The following TEAD3 variants were observed in gnomAD, a reference collection of about 807,000 sequenced individuals.
The protein encoded by TEAD3 is TEA domain transcription factor 3, also known as transcriptional enhancer factor TEF-5.
In TEAD3, 15 loss-of-function variants were observed where a neutral mutation model predicts 55.6. That is an observed-to-expected ratio of 0.27 (90% CI 0.18 to 0.42). TEAD3 has a LOEUF of 0.42. Among genes scored for constraint, TEAD3 ranks in the 10% least tolerant of loss-of-function variants. The probability of loss-of-function intolerance (pLI) is 1.00; values close to 1 mark genes in which losing one functional copy is unlikely to be tolerated. For synonymous variants in TEAD3, 210 were observed against 232.2 expected (o/e 0.90, Z 0.87); for missense variants, 407 against 576.8 (o/e 0.71, Z 3.01).
chr6:35,476,102 G>A lies in TEAD3; in HGVS notation c.727-10C>T. ...ACAGGTGTTTGCTGTACTGTGGGGA[G>A]GGCCCAGACAGGGTCAGGAGAGTAC... is the stretch of plus-strand genomic sequence containing the variant. On this transcript the variant is annotated splice_polypyrimidine_tract_variant and intron_variant, in intron 9 of 12. Coordinates refer to ENST00000639578, the Ensembl canonical transcript of TEAD3. 1 of 1,535,804 alleles carries A rather than the reference G, an allele frequency of 6.5e-7. No homozygotes were observed. The highest frequency in any genetic ancestry group is 8.8e-7 in the Non-Finnish European group (1 of 1,140,182).
intron 5 of TEAD3, among the ~76,000 whole-genome samples, chr6:35,478,828 A>G (rs1048021202): frequency 3.4e-4 from 51 of 150,754 alleles, no homozygotes; most frequent in Non-Finnish European, 4.3e-4. Context: ...AAAGGCCAAT[A>G]TATGTCAAGA....
At chr6:35,479,941 TG>T in intron 4 of TEAD3, 1 of 861,016 alleles carries the variant, frequency 1.2e-6, no homozygotes, top group Non-Finnish European at 1.7e-6. Context: ...TGTTTCTTTC[TG>T]GACCCCCTCA....
intron 1 of TEAD3, among the ~76,000 whole-genome samples, chr6:35,492,793 C>T (rs979406018): frequency 6.6e-5 from 10 of 152,058 alleles, no homozygotes; most frequent in Non-Finnish European, 1.3e-4. Context: ...AGCAGTATAG[C>T]GGGTAGGAGG....
At chr6:35,492,137 C>T (rs1313829551) in intron 1 of TEAD3, among the ~76,000 whole-genome samples, 1 of 152,182 alleles carries the variant, frequency 6.6e-6, no homozygotes, top group African/African-American at 2.4e-5. Flanking sequence ...CTGCAGGGAC[C>T]CCAGCCCCCA....
chr6:35,476,857 T>C (rs750478811), intron 8 of TEAD3, among the ~76,000 whole-genome samples: 5 of 152,220 alleles, frequency 3.3e-5, no homozygotes, highest in African/African-American at 1.2e-4. Context: ...AGTTTCACTC[T>C]TGTTGCCCAG....
rs1768461375 is a variant in TEAD3, at chr6:35,489,543, C to T, written c.-49-2832G>A. The stretch of plus-strand genomic sequence containing the variant: ...CTGCCGTACAGCCCTTTCTGTGATG[C>T]CTCCAGAGCCACCAGGAATCTCTCT... On this transcript the variant is annotated intron_variant, in intron 1 of 12. Coordinates refer to ENST00000639578, the Ensembl canonical transcript of TEAD3. Among the ~76,000 whole-genome samples, 7 of 152,144 alleles carry T rather than the reference C, an allele frequency of 4.6e-5. No individual in the cohort carries two copies. The South Asian group carries it at 1.5e-3, about 32-fold the overall frequency.
In TEAD3 at chr6:35,484,413, G is replaced by A. The variant is rs990219908; in HGVS notation, c.267+147C>T. On this transcript the variant is annotated intron_variant, in intron 3 of 12. Coordinates refer to ENST00000639578, the Ensembl canonical transcript of TEAD3. This position sits in a 1 kb window ranked among gnomAD's most constrained non-coding sequence, Gnocchi z 5.8. Reference sequence around the variant, plus strand: ...GGGTGGGAGGGTGTAAAATCGAGGGGGTAAGGGGAGTGTGATGAGGCAAGG... The same window carrying A: ...GGGTGGGAGGGTGTAAAATCGAGGGAGTAAGGGGAGTGTGATGAGGCAAGG... 4 of 724,202 alleles carry A rather than the reference G, an allele frequency of 5.5e-6. No individual in the cohort carries two copies. The African/African-American group carries it at 7.0e-5, about 13-fold the overall frequency. 44.9% of individuals were successfully genotyped at this position (724,202 alleles called of 1,614,324 possible).
At position 35,488,538 on chromosome 6, in the gene TEAD3, C is replaced by T. The variant is rs1162982943; in HGVS notation, c.-49-1827G>A. 2.0e-5 allele frequency among the ~76,000 whole-genome samples: 3 copies of T among 151,964 alleles called. No individual in the cohort carries two copies. The highest frequency in any genetic ancestry group is 4.4e-5 in the Non-Finnish European group (3 of 67,998). On this transcript the variant is annotated intron_variant, in intron 1 of 12. Coordinates refer to ENST00000639578, the Ensembl canonical transcript of TEAD3. This position sits in a 1 kb window ranked among gnomAD's most constrained non-coding sequence, Gnocchi z 4.2. ...GGGGTGGAGATGTAGGGGACACCGT[C>T]AGAAGCCAGGGAGAGGAAGATGAAT...
chr6:35,495,067 T>C (rs759580054), intron 1 of TEAD3, among the ~76,000 whole-genome samples: 8 of 152,156 alleles, frequency 5.3e-5, no homozygotes, highest in Non-Finnish European at 8.8e-5. Context: ...GAAAAGGGAC[T>C]TGAGAAGTCA....
intron 1 of TEAD3, among the ~76,000 whole-genome samples, chr6:35,489,484 C>T (rs549438097): frequency 6.6e-6 from 1 of 152,160 alleles, no homozygotes; most frequent in African/African-American, 2.4e-5. Flanking sequence ...TCCCCCTCAA[C>T]CCAAGCAACT....
At chr6:35,492,567 GC>G (rs1177138314) in intron 1 of TEAD3, among the ~76,000 whole-genome samples, 1 of 152,056 alleles carries the variant, frequency 6.6e-6, no homozygotes, top group Non-Finnish European at 1.5e-5. Context: ...AATTTGCAGA[GC>G]CCACTAGGAG....
Position 35,488,878 on chromosome 6 carries a change from C to T in TEAD3, c.-49-2167G>A, listed in dbSNP as rs116673621. Among the ~76,000 whole-genome samples the T allele has an allele frequency of 5.5e-3, 830 of 152,188 alleles. 9 individuals are homozygous for T. The highest frequency in any genetic ancestry group is 0.016 in the African/African-American group (674 of 41,526). On this transcript the variant is annotated intron_variant, in intron 1 of 12. Coordinates refer to ENST00000639578, the Ensembl canonical transcript of TEAD3. The surrounding 1 kb of genome is among the most constrained non-coding windows in gnomAD (Gnocchi z 4.2). ...AGCCTCCCCCCTCAGCATGGTGGCA[C>T]GCACCTGTAGCTGGGATTACAGGCG...
intron 5 of TEAD3, 108 bp from the exon 6 acceptor site, chr6:35,478,679 T>C: frequency 7.2e-7 from 1 of 1,391,560 alleles, no homozygotes; most frequent in Non-Finnish European, 9.6e-7. Context: ...GGATGGCAGG[T>C]GTTCCTGAAG....
chr6:35,493,461 C>T (rs995392500), intron 1 of TEAD3, among the ~76,000 whole-genome samples: 2 of 152,166 alleles, frequency 1.3e-5, no homozygotes, highest in South Asian at 2.1e-4. Flanking sequence ...ACCCACAGCG[C>T]CAGCATCAGT....
At chr6:35,492,940 G>C (rs1180087172) in intron 1 of TEAD3, among the ~76,000 whole-genome samples, 4 of 152,140 alleles carry the variant, frequency 2.6e-5, no homozygotes, top group Non-Finnish European at 5.9e-5. Flanking sequence ...TCCAGTGAGA[G>C]ACAGACTATA....
chr6:35,490,522 T>C (rs1768491813), intron 1 of TEAD3, among the ~76,000 whole-genome samples: 1 of 152,194 alleles, frequency 6.6e-6, no homozygotes, highest in Admixed American at 6.5e-5. Flanking sequence ...GAGCACACTG[T>C]GCAGAGGGGC....
chr6:35,489,210 T>C (rs1382375773), intron 1 of TEAD3, among the ~76,000 whole-genome samples: 1 of 152,220 alleles, frequency 6.6e-6, no homozygotes, highest in African/African-American at 2.4e-5. Flanking sequence ...ACACATTGAC[T>C]CATTTAATCC....
intron 1 of TEAD3, among the ~76,000 whole-genome samples, chr6:35,494,917 T>A (rs187733126): frequency 1.4e-5 from 2 of 146,224 alleles, no homozygotes; most frequent in East Asian, 4.2e-4. Flanking sequence ...GAGCTACTCC[T>A]CAGTCACCCC....
intron 3 of TEAD3, 99 bp downstream of exon 4, chr6:35,480,213 C>T (rs1768238090): frequency 1.3e-6 from 2 of 1,556,896 alleles, no homozygotes; most frequent in South Asian, 2.4e-5. Context: ...CACAGTGGGG[C>T]TGGAGAGCTG....
Sources: allele counts gnomAD v4.1 joint callset (sites outside exome capture counted in the v4.1 genomes callset), GRCh38; gene constraint gnomAD v4.1.1; non-coding constraint Gnocchi (gnomAD v3.1); transcripts MANE v1.5; gene names NCBI Gene and HGNC (gene_info 2026-07-23, HGNC 2026-07-21).